Variants in UNC13C observed in about 807,000 individuals in gnomAD.
UNC13C encodes unc-13 homolog C.
Under a neutral mutation model 245.4 loss-of-function variants are expected in UNC13C, and 174 were observed. The ratio of observed to expected loss-of-function variants is 0.71; its 90% CI spans 0.63 to 0.80. The LOEUF is 0.80. Ranked by LOEUF, UNC13C falls within the 30% of genes least tolerant of loss-of-function variation. The pLI, the probability that UNC13C is intolerant of heterozygous loss-of-function variation, is 0.00. For synonymous variants in UNC13C, 992 were observed against 895.1 expected, an observed-to-expected ratio of 1.11 and a Z score of -1.93; for missense variants, 2,829 against 2,602.9, an observed-to-expected ratio of 1.09 and a Z score of -1.89.
chr15:54,305,020 C>G (rs2037689889), intron 13 of UNC13C, among the ~76,000 whole-genome samples: 1 of 151,924 alleles, frequency 6.6e-6, no homozygotes, highest in Non-Finnish European at 1.5e-5. Flanking sequence ...AATGGAACAG[C>G]ATAGAGGTGC....
intron 2 of UNC13C, among the ~76,000 whole-genome samples, chr15:54,080,468 T>C (rs577093938): frequency 1.0e-3 from 155 of 152,122 alleles, no homozygotes; most frequent in African/African-American, 3.5e-3. Context: ...TTTTAGTTGG[T>C]AGATTTTTTA....
At chr15:54,165,086 TA>T (rs2033118454) in intron 4 of UNC13C, among the ~76,000 whole-genome samples, 1 of 152,158 alleles carries the variant, frequency 6.6e-6, no homozygotes, top group Non-Finnish European at 1.5e-5. Context: ...GAAGTAAGTT[TA>T]AAAAGTCACC....
chr15:54,332,116 G>C lies in UNC13C; in HGVS notation c.4494+5G>C. The C allele has an allele frequency of 6.5e-7, 1 of 1,540,554 alleles. No homozygotes were observed. The highest frequency in any genetic ancestry group is 1.3e-5 in the South Asian group (1 of 79,720). On this transcript the variant is annotated splice_donor_5th_base_variant and intron_variant, in intron 15 of 32. Coordinates refer to ENST00000260323, the MANE Select transcript of UNC13C (RefSeq NM_001080534.3). ...ATTGATCTGTCAAAGTATAGGGTAT[G>C]TACAAATTTACTTGCCTAAAAGAAA...
chr15:54,436,790 C>A (rs1890245055), intron 19 of UNC13C, among the ~76,000 whole-genome samples: 1 of 151,636 alleles, frequency 6.6e-6, no homozygotes, highest in Admixed American at 6.6e-5. Flanking sequence ...TGTAACAAAC[C>A]TGCACGTTCT....
intron 4 of UNC13C, among the ~76,000 whole-genome samples, chr15:54,219,637 G>T: frequency 6.6e-6 from 1 of 150,440 alleles, no homozygotes; most frequent in African/African-American, 2.5e-5. Context: ...CACAGCAAAA[G>T]AAACTACCAT....
chr15:54,236,415 T>C lies in UNC13C; in HGVS notation c.3151-15T>C, dbSNP rs764399133. The C allele has an allele frequency of 4.4e-6, 7 of 1,590,594 alleles. No homozygotes were observed. The highest frequency in any genetic ancestry group is 6.0e-6 in the Non-Finnish European group (7 of 1,173,776). ...TTATTTACATTTTGTTTCCTCTCACTTCTGGAATCTTCAGGCCATGGTAAG... is the reference window on the plus strand; with the variant it reads ...TTATTTACATTTTGTTTCCTCTCACCTCTGGAATCTTCAGGCCATGGTAAG... On this transcript the variant is annotated splice_polypyrimidine_tract_variant and intron_variant, in intron 5 of 32. Coordinates refer to ENST00000260323, the MANE Select transcript of UNC13C (RefSeq NM_001080534.3).
At chr15:54,091,939 T>C (rs1041612165) in intron 2 of UNC13C, among the ~76,000 whole-genome samples, 3 of 152,222 alleles carry the variant, frequency 2.0e-5, no homozygotes, top group Non-Finnish European at 4.4e-5. Flanking sequence ...CTTTTCTTAG[T>C]ATTTTTTCAA....
chr15:54,518,775 T>C (rs998322552), intron 24 of UNC13C, among the ~76,000 whole-genome samples: 2 of 152,134 alleles, frequency 1.3e-5, no homozygotes, highest in Admixed American at 6.6e-5. Context: ...CAGTGGTTTA[T>C]AACACATGCA....
At chr15:54,234,496 C>T (rs1392379724) in intron 4 of UNC13C, among the ~76,000 whole-genome samples, 4 of 151,952 alleles carry the variant, frequency 2.6e-5, no homozygotes, top group Admixed American at 2.0e-4. Context: ...GTGCATTTAC[C>T]TGTAGGATGA....
chr15:53,880,489 G>A, the UNC13C span, among the ~76,000 whole-genome samples: 1 of 152,150 alleles, frequency 6.6e-6, no homozygotes, highest in Non-Finnish European at 1.5e-5. Flanking sequence ...CAGTGATTTA[G>A]AATACAACGG....
intron 19 of UNC13C, among the ~76,000 whole-genome samples, chr15:54,436,857 A>G (rs1387193405): frequency 6.6e-6 from 1 of 151,956 alleles, no homozygotes; most frequent in African/African-American, 2.4e-5. Flanking sequence ...AAAATTTAGA[A>G]CAATAAAAGG....
At chr15:53,857,196 T>C in the UNC13C span, among the ~76,000 whole-genome samples, 1 of 152,190 alleles carries the variant, frequency 6.6e-6, no homozygotes, top group Non-Finnish European at 1.5e-5. Flanking sequence ...CTGGAGTCTC[T>C]GAGCCTACTC....
intron 26 of UNC13C, among the ~76,000 whole-genome samples, chr15:54,544,261 A>T (rs530385029): frequency 1.3e-5 from 2 of 152,170 alleles, no homozygotes; most frequent in Non-Finnish European, 2.9e-5. Context: ...ATGCTAAAAA[A>T]ACTCTCAATA....
At chr15:54,235,888 C>T (rs1289930414) in intron 5 of UNC13C, among the ~76,000 whole-genome samples, 1 of 151,944 alleles carries the variant, frequency 6.6e-6, no homozygotes, top group African/African-American at 2.4e-5. Flanking sequence ...AAGAGAAAAC[C>T]ATGGTTTTCA....
intron 19 of UNC13C, among the ~76,000 whole-genome samples, chr15:54,489,966 C>A (rs1258254795): frequency 1.3e-5 from 2 of 151,880 alleles, no homozygotes; most frequent in African/African-American, 4.8e-5. Flanking sequence ...ATGAAAAAAC[C>A]CAATTACTCT....
At chr15:54,623,433 A>G (rs998077984) in intron 31 of UNC13C, among the ~76,000 whole-genome samples, 1 of 152,300 alleles carries the variant, frequency 6.6e-6, no homozygotes, top group African/African-American at 2.4e-5. Flanking sequence ...AATCCAAAAT[A>G]TTGTCATTGA....
chr15:54,431,389 T>A (rs556237603), intron 19 of UNC13C, among the ~76,000 whole-genome samples: 43 of 151,614 alleles, frequency 2.8e-4, no homozygotes, highest in Non-Finnish European at 1.3e-4. Flanking sequence ...ATCTCCTTTT[T>A]CCATTAATGG....
intron 19 of UNC13C, among the ~76,000 whole-genome samples, chr15:54,427,023 A>G (rs937599542): frequency 1.3e-5 from 2 of 151,954 alleles, no homozygotes; most frequent in Non-Finnish European, 2.9e-5. Context: ...TAAAGAATCT[A>G]TATGTTTCAT....
intron 17 of UNC13C, among the ~76,000 whole-genome samples, chr15:54,368,256 G>A (rs1017508005): frequency 2.0e-5 from 3 of 152,066 alleles, no homozygotes; most frequent in Non-Finnish European, 4.4e-5. Flanking sequence ...TCTAAAGAAT[G>A]AATTGTTCAC....
Sources: allele counts gnomAD v4.1 joint callset (sites outside exome capture counted in the v4.1 genomes callset), GRCh38; gene constraint gnomAD v4.1.1; transcripts MANE v1.5; gene names NCBI Gene and HGNC (gene_info 2026-07-23, HGNC 2026-07-21).